The following NRXN1 variants were observed in gnomAD, a reference collection of about 807,000 sequenced individuals.
NRXN1 encodes neurexin 1.
Under a neutral mutation model 150.9 loss-of-function variants are expected in NRXN1, and 39 were observed. The observed-to-expected ratio is 0.26, with a 90% CI of 0.20 to 0.34. The LOEUF (loss-of-function observed/expected upper bound fraction) is 0.34. Among genes scored for constraint, NRXN1 ranks in the 10% least tolerant of loss-of-function variants. The pLI is 1.00. For missense variants in NRXN1, 1,815 were observed against 1,949.9 expected (o/e 0.93, Z 1.30); for synonymous variants, 924 against 757.0 (o/e 1.22, Z -3.62).
At chr2:50,592,170 C>T (rs1046157705) in intron 8 of NRXN1, among the ~76,000 whole-genome samples, 1 of 152,194 alleles carries the variant, frequency 6.6e-6, no homozygotes, top group Non-Finnish European at 1.5e-5. Context: ...ACTCTAATTA[C>T]CACTAATTTA....
intron 17 of NRXN1, among the ~76,000 whole-genome samples, chr2:50,432,098 C>T (rs6747258): frequency 0.27 from 41,114 of 151,796 alleles, 5,718 homozygotes; most frequent in East Asian, 0.39. Context: ...AGAAGACTTC[C>T]TAGTTCATTT....
chr2:50,541,401 A>C (rs553715969), intron 9 of NRXN1, among the ~76,000 whole-genome samples: 1 of 151,976 alleles, frequency 6.6e-6, no homozygotes, highest in African/African-American at 2.4e-5. Flanking sequence ...CTGTGTCTGC[A>C]CTCACTCTAA....
chr2:50,453,076 T>C (rs944128092), intron 17 of NRXN1, among the ~76,000 whole-genome samples: 6 of 152,238 alleles, frequency 3.9e-5, no homozygotes, highest in African/African-American at 1.4e-4. Flanking sequence ...AATGTTGCCA[T>C]GATGTTCTAT....
intron 5 of NRXN1, among the ~76,000 whole-genome samples, chr2:50,880,853 G>A (rs1288923470): frequency 6.6e-6 from 1 of 151,842 alleles, no homozygotes; most frequent in Non-Finnish European, 1.5e-5. Flanking sequence ...GTACCAAATG[G>A]AACCATCCAA....
intron 5 of NRXN1, among the ~76,000 whole-genome samples, chr2:50,717,793 A>C (rs1220858431): frequency 6.6e-6 from 1 of 152,102 alleles, no homozygotes; most frequent in African/African-American, 2.4e-5. Context: ...TTACTGTGCC[A>C]TTGCATGGCA....
intron 5 of NRXN1, among the ~76,000 whole-genome samples, chr2:50,836,237 A>G (rs2105908704): frequency 1.3e-5 from 2 of 152,248 alleles, no homozygotes; most frequent in Middle Eastern, 6.8e-3. Context: ...TTACTTATTT[A>G]TAGGGTACAA....
chr2:50,802,598 AAAG>A (rs1483296819), intron 5 of NRXN1, among the ~76,000 whole-genome samples: 2 of 151,208 alleles, frequency 1.3e-5, no homozygotes, highest in African/African-American at 2.4e-5. Flanking sequence ...GAGAGAGAGA[AAAG>A]AAGGAAAGAA....
chr2:50,745,398 TTCCCC>T (rs1559201264), intron 5 of NRXN1, among the ~76,000 whole-genome samples: 2 of 107,608 alleles, frequency 1.9e-5, no homozygotes, highest in African/African-American at 7.1e-5. Context: ...TTCCTCTCCC[TTCCCC>T]TCCCCTCCCC....
At chr2:50,501,375 T>C (rs1426226594) in intron 13 of NRXN1, among the ~76,000 whole-genome samples, 1 of 114,886 alleles carries the variant, frequency 8.7e-6, no homozygotes, top group Non-Finnish European at 2.0e-5. Flanking sequence ...GGGTTAACCA[T>C]GACTCGTGTA....
intron 5 of NRXN1, among the ~76,000 whole-genome samples, chr2:50,771,340 ATAAAT>A (rs1475066898): frequency 1.3e-5 from 2 of 152,112 alleles, no homozygotes; most frequent in African/African-American, 4.8e-5. Context: ...ATAAAAAAAA[ATAAAT>A]TATTCATTGC....
intron 5 of NRXN1, among the ~76,000 whole-genome samples, chr2:50,856,369 G>C (rs1574721889): frequency 6.6e-6 from 1 of 152,114 alleles, no homozygotes. Context: ...TAAGGAGACT[G>C]CTCAGCAGCT....
intron 17 of NRXN1, among the ~76,000 whole-genome samples, chr2:50,411,139 G>A (rs1401334119): frequency 6.6e-6 from 1 of 150,576 alleles, no homozygotes; most frequent in Non-Finnish European, 1.5e-5. Flanking sequence ...TGATTCTCCT[G>A]CCTCAGCCTG....
At chr2:50,945,919 C>T (rs952123184) in intron 2 of NRXN1, among the ~76,000 whole-genome samples, 1 of 148,990 alleles carries the variant, frequency 6.7e-6, no homozygotes, top group African/African-American at 2.5e-5. Flanking sequence ...CACACACACA[C>T]ACATCTTTAC....
chr2:50,815,597 A>C (rs1363170362), intron 5 of NRXN1, among the ~76,000 whole-genome samples: 1 of 152,210 alleles, frequency 6.6e-6, no homozygotes, highest in South Asian at 2.1e-4. Context: ...TTGTAAAATG[A>C]TTTAAAATTT....
At chr2:50,803,040 T>G (rs1439237218) in intron 5 of NRXN1, among the ~76,000 whole-genome samples, 1 of 152,182 alleles carries the variant, frequency 6.6e-6, no homozygotes, top group Non-Finnish European at 1.5e-5. Context: ...TTTTGGTACT[T>G]TTTGTGGTAG....
chr2:50,548,059 C>T (rs2093532912), intron 9 of NRXN1: 1 of 151,938 alleles, frequency 6.6e-6, no homozygotes. Context: ...GTTCATATAC[C>T]CCTTTCAGTG....
intron 17 of NRXN1, among the ~76,000 whole-genome samples, chr2:50,310,218 T>C (rs2075060173): frequency 6.6e-6 from 1 of 152,230 alleles, no homozygotes; most frequent in South Asian, 2.1e-4. Context: ...AAATTGTTAT[T>C]GCTCACTTCT....
At chr2:50,046,297 C>G (rs1323747860) in intron 21 of NRXN1, among the ~76,000 whole-genome samples, 1 of 152,206 alleles carries the variant, frequency 6.6e-6, no homozygotes, top group Non-Finnish European at 1.5e-5. Flanking sequence ...CTGCCGCTTG[C>G]TTCCCATACA....
chr2:49,995,004 T>C (rs889018673), intron 21 of NRXN1, among the ~76,000 whole-genome samples: 1 of 152,184 alleles, frequency 6.6e-6, no homozygotes, highest in African/African-American at 2.4e-5. Flanking sequence ...CTCAAAGGAA[T>C]GACTGAAACA....
Sources: gnomAD v4.1 joint callset for allele counts (sites outside exome capture counted in the v4.1 genomes callset) on GRCh38, gnomAD v4.1.1 for gene constraint, MANE v1.5 for transcripts, NCBI Gene and HGNC (gene_info 2026-07-23, HGNC 2026-07-21) for gene names.